EPM2A: variants seen among roughly 807,000 people sequenced by gnomAD.
The protein encoded by EPM2A is EPM2A glucan phosphatase, laforin.
Under a neutral mutation model 26.5 loss-of-function variants are expected in EPM2A, and 21 were observed. That is an observed-to-expected ratio of 0.79 (90% CI 0.56 to 1.14). The LOEUF (loss-of-function observed/expected upper bound fraction) is 1.14, where lower values mean the gene tolerates loss of function less well. Ranked by LOEUF, EPM2A falls within the 50% of genes most tolerant of loss-of-function variation. The pLI is 0.00. For synonymous variants in EPM2A, 217 were observed against 177.6 expected (o/e 1.22, Z -1.76); for missense variants, 458 against 440.8 (o/e 1.04, Z -0.35).
chr6:145,599,952 G>A (rs1157599128), intron 2 of EPM2A, among the ~76,000 whole-genome samples: 1 of 151,754 alleles, frequency 6.6e-6, no homozygotes, highest in African/African-American at 2.4e-5. Context: ...TAATTTCTGG[G>A]CAAATAATAG....
intron 2 of EPM2A, among the ~76,000 whole-genome samples, chr6:145,591,110 T>C (rs1781268284): frequency 6.6e-6 from 1 of 151,998 alleles, no homozygotes; most frequent in Admixed American, 6.6e-5. Context: ...GGTGGGTCCA[T>C]CAGTAGATTG....
intron 2 of EPM2A, among the ~76,000 whole-genome samples, chr6:145,595,539 T>C (rs1470305233): frequency 6.6e-6 from 1 of 151,994 alleles, no homozygotes; most frequent in African/African-American, 2.4e-5. Flanking sequence ...TTACACACTC[T>C]TTTCATAGAC....
rs201367187 is a variant in EPM2A, at chr6:145,627,623, G to A, written c.789C>T (p.Tyr263=). 1.5e-5 allele frequency: 25 copies of A among 1,614,092 alleles called. No individual in the cohort carries two copies. The highest frequency in any genetic ancestry group is 4.0e-5 in the African/African-American group (3 of 74,938). ...HALLEKGHIV[Y]VHCNAGVGRS... Reference sequence around the variant, plus strand: ...GGCCCACCCCAGCGTTGCAGTGCACGTACACGATGTGTCCCTTCTCCAGCA... The same window carrying A: ...GGCCCACCCCAGCGTTGCAGTGCACATACACGATGTGTCCCTTCTCCAGCA... Residue 263 remains tyrosine (Y), a synonymous_variant, in exon 4 of 4, where the codon TAC becomes TAT. Coordinates refer to ENST00000367519, the MANE Select transcript of EPM2A (RefSeq NM_005670.4).
At chr6:145,666,126 A>AT (rs1254031457) in intron 2 of EPM2A, among the ~76,000 whole-genome samples, 1 of 147,018 alleles carries the variant, frequency 6.8e-6, no homozygotes, top group Non-Finnish European at 1.5e-5. Flanking sequence ...GCCCTCTCTC[A>AT]CCGCTCCTAT....
intron 2 of EPM2A, among the ~76,000 whole-genome samples, chr6:145,554,109 C>T (rs1483651099): frequency 6.6e-6 from 1 of 151,832 alleles, no homozygotes; most frequent in African/African-American, 2.4e-5. Flanking sequence ...TGCTATGTGA[C>T]AAGAACTGTG....
intron 4 of EPM2A, among the ~76,000 whole-genome samples, chr6:145,416,964 G>A (rs1004459852): frequency 1.3e-4 from 20 of 152,184 alleles, no homozygotes; most frequent in African/African-American, 4.6e-4. Flanking sequence ...GTTTCTACAG[G>A]ATGTTTAGGG....
chr6:145,445,456 T>A (rs1414502408), intron 4 of EPM2A, among the ~76,000 whole-genome samples: 1 of 152,180 alleles, frequency 6.6e-6, no homozygotes, highest in Admixed American at 6.5e-5. Context: ...TTCTGTTTTA[T>A]CCAGTATAGA....
chr6:145,595,613 A>C lies in EPM2A; in HGVS notation c.340+39632T>G, dbSNP rs917866855. 1.8e-4 allele frequency among the ~76,000 whole-genome samples: 28 copies of C among 152,026 alleles called. No individual in the cohort carries two copies. The South Asian group carries it at 5.8e-3, about 32-fold the overall frequency. On this transcript the variant is annotated intron_variant, in intron 2 of 3. Transcript: ENST00000450221. ...TTTATATTTTTTATTTCATGGTTTC[A>C]TTGCTCTTTTAAATTATATATATGG... is the stretch of plus-strand genomic sequence containing the variant.
chr6:145,518,046 T>C (rs1384477630), intron 2 of EPM2A, among the ~76,000 whole-genome samples: 1 of 152,180 alleles, frequency 6.6e-6, no homozygotes, highest in African/African-American at 2.4e-5. Flanking sequence ...ATAAAGCCTA[T>C]AAACTCTAAC....
At chr6:145,633,362 A>C (rs891296844) in intron 3 of EPM2A, among the ~76,000 whole-genome samples, 2 of 152,242 alleles carry the variant, frequency 1.3e-5, no homozygotes, top group African/African-American at 4.8e-5. Context: ...CAGCTGGACA[A>C]GGTAAATATC....
chr6:145,677,057 C>T (rs1780104604), intron 2 of EPM2A, among the ~76,000 whole-genome samples: 1 of 152,108 alleles, frequency 6.6e-6, no homozygotes, highest in South Asian at 2.1e-4. Context: ...AAACCAAATC[C>T]AGCAGCACAT....
intron 2 of EPM2A, among the ~76,000 whole-genome samples, chr6:145,507,389 G>A (rs1779990927): frequency 6.6e-6 from 1 of 152,180 alleles, no homozygotes. Flanking sequence ...CAGCCCTTGC[G>A]ACAGCATTCA....
intron 2 of EPM2A, among the ~76,000 whole-genome samples, chr6:145,656,717 T>C (rs1778319388): frequency 6.6e-6 from 1 of 151,970 alleles, no homozygotes; most frequent in African/African-American, 2.4e-5. Context: ...GCCAAAGGAG[T>C]TGTATGAAGC....
intron 1 of EPM2A, among the ~76,000 whole-genome samples, chr6:145,699,358 T>C (rs2328704): frequency 0.51 from 76,956 of 152,050 alleles, 20,153 homozygotes; most frequent in East Asian, 0.67. Flanking sequence ...CCATGTATGA[T>C]GACTGAAAGG....
intron 2 of EPM2A, among the ~76,000 whole-genome samples, chr6:145,602,146 C>T (rs1781424687): frequency 6.6e-6 from 1 of 152,118 alleles, no homozygotes; most frequent in Admixed American, 6.5e-5. Context: ...TAAGTTAGAT[C>T]AATATTTGTT....
intron 4 of EPM2A, among the ~76,000 whole-genome samples, chr6:145,425,915 T>C (rs369429926): frequency 6.6e-6 from 1 of 152,182 alleles, no homozygotes; most frequent in Non-Finnish European, 1.5e-5. Flanking sequence ...ATGTGATCAA[T>C]CGCATGAGTT....
At chr6:145,597,269 C>T (rs1781358805) in intron 2 of EPM2A, among the ~76,000 whole-genome samples, 1 of 152,074 alleles carries the variant, frequency 6.6e-6, no homozygotes, top group African/African-American at 2.4e-5. Flanking sequence ...ATCATGTTCC[C>T]AAGAGATGCT....
chr6:145,526,857 C>T (rs1039665356), intron 2 of EPM2A, among the ~76,000 whole-genome samples: 3 of 151,762 alleles, frequency 2.0e-5, no homozygotes, highest in Admixed American at 2.0e-4. Context: ...TTTCTAGCTC[C>T]TCTAGTTGTG....
intron 4 of EPM2A, among the ~76,000 whole-genome samples, chr6:145,493,784 CATTA>C (rs561188118): frequency 2.5e-4 from 38 of 152,244 alleles, no homozygotes; most frequent in African/African-American, 8.9e-4. Flanking sequence ...TGATGAATCA[CATTA>C]ATTGATTTGT....
Sources: allele counts gnomAD v4.1 joint callset (sites outside exome capture counted in the v4.1 genomes callset), GRCh38; gene constraint gnomAD v4.1.1; transcripts MANE v1.5; gene names NCBI Gene and HGNC (gene_info 2026-07-23, HGNC 2026-07-21).